NRG3: variants seen among roughly 807,000 people sequenced by gnomAD.
NRG3 encodes the protein pro-neuregulin-3, membrane-bound isoform.
A neutral mutation model predicts 66.9 loss-of-function variants in NRG3; 31 were observed. The ratio of observed to expected loss-of-function variants is 0.46; its 90% CI spans 0.35 to 0.63. The LOEUF (loss-of-function observed/expected upper bound fraction) is 0.63. Ranked by LOEUF, NRG3 falls within the 20% of genes least tolerant of loss-of-function variation. The pLI is 0.00. For synonymous variants in NRG3, 393 were observed against 359.4 expected (o/e 1.09, Z -1.06); for missense variants, 910 against 878.9 (o/e 1.04, Z -0.45).
chr10:82,399,492 T>G (rs2086935375), intron 2 of NRG3, among the ~76,000 whole-genome samples: 1 of 152,158 alleles, frequency 6.6e-6, no homozygotes, highest in Non-Finnish European at 1.5e-5. Flanking sequence ...CAATAGAAAT[T>G]TATTTCTCAC....
intron 4 of NRG3, among the ~76,000 whole-genome samples, chr10:82,945,228 A>G (rs1848907042): frequency 6.6e-6 from 1 of 152,202 alleles, no homozygotes; most frequent in Non-Finnish European, 1.5e-5. Flanking sequence ...TGTTGGTTGG[A>G]ACAGCACACA....
At chr10:82,881,307 A>G (rs1842276710) in intron 4 of NRG3, among the ~76,000 whole-genome samples, 1 of 152,230 alleles carries the variant, frequency 6.6e-6, no homozygotes, top group Non-Finnish European at 1.5e-5. Context: ...TTAGTTAATG[A>G]GTTTTTGAGG....
At chr10:82,129,453 G>A (rs1466381427) in intron 1 of NRG3, among the ~76,000 whole-genome samples, 1 of 152,088 alleles carries the variant, frequency 6.6e-6, no homozygotes, top group Non-Finnish European at 1.5e-5. Flanking sequence ...TATGTATGAG[G>A]ACATGAGATA....
intron 1 of NRG3, among the ~76,000 whole-genome samples, chr10:81,918,824 A>AAAAAAAAAAAC (rs796956624): frequency 0.017 from 2,599 of 151,418 alleles, 68 homozygotes; most frequent in African/African-American, 0.058. Context: ...TTTGCAAAAA[A>AAAAAAAAAAAC]CAAAAACAAA....
chr10:82,967,809 G>A (rs1282098361), intron 6 of NRG3, among the ~76,000 whole-genome samples: 1 of 152,120 alleles, frequency 6.6e-6, no homozygotes, highest in South Asian at 2.1e-4. Flanking sequence ...GTTGCTGTTG[G>A]GGTTCTTTGC....
intron 1 of NRG3, among the ~76,000 whole-genome samples, chr10:82,316,153 G>A (rs745741026): frequency 2.3e-4 from 35 of 151,994 alleles, no homozygotes; most frequent in Non-Finnish European, 4.4e-4. Context: ...CTCAACCCCC[G>A]CGAAAAGAGT....
At chr10:82,845,806 C>T (rs1163740118) in intron 3 of NRG3, among the ~76,000 whole-genome samples, 1 of 152,060 alleles carries the variant, frequency 6.6e-6, no homozygotes, top group East Asian at 1.9e-4. Context: ...GAAATCGAAT[C>T]ACAAAAAGTA....
chr10:82,306,994 TA>T (rs1266883015), intron 1 of NRG3, among the ~76,000 whole-genome samples: 2 of 152,130 alleles, frequency 1.3e-5, no homozygotes, highest in Non-Finnish European at 2.9e-5. Flanking sequence ...GTTACAAACT[TA>T]ATTTTTTAAA....
At chr10:82,424,243 TC>T (rs1231750070) in intron 2 of NRG3, among the ~76,000 whole-genome samples, 3 of 152,050 alleles carry the variant, frequency 2.0e-5, no homozygotes, top group African/African-American at 7.2e-5. Context: ...GCAAAGTGGC[TC>T]TAGCATTTTA....
chr10:82,103,273 G>A (rs1256702432), intron 1 of NRG3, among the ~76,000 whole-genome samples: 1 of 152,020 alleles, frequency 6.6e-6, no homozygotes, highest in Non-Finnish European at 1.5e-5. Context: ...TTGGTTATGA[G>A]GTTTCTATTC....
At chr10:82,753,835 T>A (rs1332708772) in intron 3 of NRG3, among the ~76,000 whole-genome samples, 1 of 151,770 alleles carries the variant, frequency 6.6e-6, no homozygotes, top group African/African-American at 2.4e-5. Context: ...TAATCCTAGT[T>A]CTTTGGGAGG....
At chr10:82,628,070 G>C (rs1023147340) in intron 2 of NRG3, among the ~76,000 whole-genome samples, 7 of 152,158 alleles carry the variant, frequency 4.6e-5, no homozygotes, top group Non-Finnish European at 7.3e-5. Flanking sequence ...GTAAATGGGA[G>C]AATTGGGTTT....
At chr10:82,755,111 T>C (rs1342809380) in intron 3 of NRG3, among the ~76,000 whole-genome samples, 1 of 152,008 alleles carries the variant, frequency 6.6e-6, no homozygotes, top group Non-Finnish European at 1.5e-5. Context: ...GAGTCTCAGG[T>C]AGTTTGAGTT....
intron 2 of NRG3, among the ~76,000 whole-genome samples, chr10:82,476,581 T>C (rs1295288919): frequency 2.0e-5 from 3 of 152,204 alleles, no homozygotes; most frequent in Admixed American, 1.3e-4. Context: ...GAAGACATTA[T>C]GCTAAGTAAA....
At chr10:82,853,714 G>C (rs536191692) in intron 3 of NRG3, among the ~76,000 whole-genome samples, 1 of 152,076 alleles carries the variant, frequency 6.6e-6, no homozygotes, top group Non-Finnish European at 1.5e-5. Flanking sequence ...CATTTTTAGG[G>C]TTTTCTAGGT....
intron 1 of NRG3, among the ~76,000 whole-genome samples, chr10:81,923,305 A>C (rs1846435319): frequency 6.6e-6 from 1 of 151,782 alleles, no homozygotes; most frequent in South Asian, 2.1e-4. Flanking sequence ...TCCCGGGTTC[A>C]CGCCATTCTC....
chr10:82,890,135 T>TTG (rs1843026078), intron 4 of NRG3, among the ~76,000 whole-genome samples: 1 of 151,926 alleles, frequency 6.6e-6, no homozygotes, highest in Non-Finnish European at 1.5e-5. Flanking sequence ...AAGTTTTTTT[T>TTG]TTTTTTTTTT....
At chr10:82,924,405 C>T (rs1846772707) in intron 4 of NRG3, among the ~76,000 whole-genome samples, 1 of 152,060 alleles carries the variant, frequency 6.6e-6, no homozygotes, top group Admixed American at 6.6e-5. Flanking sequence ...TCAGAATTGG[C>T]TCATCAGTTT....
Position 82,959,033 on chromosome 10 carries a change from A to T in NRG3, c.1242A>T (p.Ala414=). 6.2e-7 allele frequency: 1 copy of T among 1,606,844 alleles called. No individual in the cohort carries two copies. The highest frequency in any genetic ancestry group is 1.1e-5 in the South Asian group (1 of 89,618). ...SYSLKASSTM[A]KSENLVKSHV... is the part of the protein sequence containing the mutation. ...GTCTCAAAGCATCCAGCACAATGGC[A>T]AAGTCAGAGAACTTGGTGAAGAGCC... is the stretch of plus-strand genomic sequence containing the variant. Residue 414 remains alanine (A), a synonymous_variant, in exon 6 of 9, where the codon GCA becomes GCT. Coordinates refer to ENST00000372141, the MANE Select transcript of NRG3 (RefSeq NM_001010848.4).
Sources: allele counts gnomAD v4.1 joint callset (sites outside exome capture counted in the v4.1 genomes callset), GRCh38; gene constraint gnomAD v4.1.1; transcripts MANE v1.5; gene names NCBI Gene and HGNC (gene_info 2026-07-23, HGNC 2026-07-21).